The following ALK variants were observed in gnomAD, a reference collection of about 807,000 sequenced individuals.
The protein encoded by ALK is ALK receptor tyrosine kinase, also known as ALK tyrosine kinase receptor.
ALK carries 74 observed loss-of-function variants against 163.1 expected under a neutral mutation model. That is an observed-to-expected ratio of 0.45 (90% confidence interval 0.38 to 0.55). The LOEUF is 0.55. Among genes scored for constraint, ALK ranks in the 20% least tolerant of loss-of-function variants. The pLI, the probability that ALK is intolerant of heterozygous loss-of-function variation, is 0.00. For missense variants in ALK, 2,063 were observed against 2,105.3 expected (o/e 0.98, Z 0.39); for synonymous variants, 960 against 843.2 (o/e 1.14, Z -2.40).
intron 4 of ALK, among the ~76,000 whole-genome samples, chr2:29,506,450 G>T (rs1425083332): frequency 6.6e-6 from 1 of 152,152 alleles, no homozygotes; most frequent in African/African-American, 2.4e-5. Flanking sequence ...GAAAATATGA[G>T]ACTTAGCTTT....
At chr2:29,894,409 AG>A (rs1179636947) in intron 1 of ALK, among the ~76,000 whole-genome samples, 1 of 152,128 alleles carries the variant, frequency 6.6e-6, no homozygotes, top group East Asian at 1.9e-4. Flanking sequence ...AAATGGGAAA[AG>A]CAATACTATC....
intron 9 of ALK, among the ~76,000 whole-genome samples, chr2:29,284,981 A>C (rs943587032): frequency 6.6e-6 from 1 of 152,192 alleles, no homozygotes; most frequent in African/African-American, 2.4e-5. Flanking sequence ...CTACCCTGCC[A>C]ACCTTAGGGA....
chr2:29,514,910 T>G (rs1194322612), intron 4 of ALK, among the ~76,000 whole-genome samples: 2 of 152,220 alleles, frequency 1.3e-5, no homozygotes, highest in Non-Finnish European at 2.9e-5. Flanking sequence ...TACCTCCAAC[T>G]GACTTGCAGT....
intron 1 of ALK, among the ~76,000 whole-genome samples, chr2:29,795,924 A>G (rs1664297409): frequency 6.6e-6 from 1 of 152,160 alleles, no homozygotes; most frequent in South Asian, 2.1e-4. Context: ...ACTTTGCAAC[A>G]GGAGAAAGAT....
intron 1 of ALK, among the ~76,000 whole-genome samples, chr2:29,910,893 C>G (rs568065424): frequency 5.2e-4 from 79 of 152,178 alleles, no homozygotes; most frequent in Non-Finnish European, 8.8e-4. Flanking sequence ...ATGAGAAACT[C>G]CAAGTGCAGC....
In ALK at chr2:29,225,566, C is replaced by T. The variant is rs2148176607; in HGVS notation, c.3068-1G>A. The T allele has an allele frequency of 6.2e-7, 1 of 1,608,432 alleles. No individual in the cohort carries two copies. The highest frequency in any genetic ancestry group is 8.5e-7 in the Non-Finnish European group (1 of 1,178,472). ...AGGTGTGGCTCCGGGGTGGGTGACA[C>T]TGGAAGACAGGTCCCACTGGGGTAT... On this transcript the variant is annotated splice_acceptor_variant, in intron 18 of 28. Coordinates refer to ENST00000389048, the MANE Select transcript of ALK (RefSeq NM_004304.5). LOFTEE classifies it high-confidence loss of function.
At chr2:29,361,915 A>C (rs1001633827) in intron 5 of ALK, among the ~76,000 whole-genome samples, 1 of 152,188 alleles carries the variant, frequency 6.6e-6, no homozygotes. Context: ...AATAATCTTT[A>C]GCCCATCCTT....
chr2:29,721,126 T>C (rs1679409469), intron 1 of ALK, among the ~76,000 whole-genome samples: 1 of 152,154 alleles, frequency 6.6e-6, no homozygotes, highest in South Asian at 2.1e-4. Flanking sequence ...ATTGTTGCTG[T>C]TTTTCTGATG....
intron 23 of ALK, among the ~76,000 whole-genome samples, chr2:29,220,421 A>AAATT (rs1292888741): frequency 1.3e-5 from 2 of 152,174 alleles, no homozygotes; most frequent in Non-Finnish European, 2.9e-5. Flanking sequence ...TTTTCTTTGT[A>AAATT]AATTACTCAG....
At chr2:29,207,121 A>T (rs2148151782) in intron 26 of ALK, 50 bp downstream of exon 26, 1 of 1,470,146 alleles carries the variant, frequency 6.8e-7, no homozygotes, top group Non-Finnish European at 9.5e-7. Context: ...TTGGCCCAGG[A>T]GCACCACCTT....
rs140693395 is a variant in ALK, at chr2:29,502,628, A to T, written c.1154+29287T>A. ...AGACAGATTAACTTGGAGGAACAGCACCGGCCTGGGTATCTGCCCCATCCC... is the reference window on the plus strand; with the variant it reads ...AGACAGATTAACTTGGAGGAACAGCTCCGGCCTGGGTATCTGCCCCATCCC... On this transcript the variant is annotated intron_variant, in intron 4 of 28. Transcript: ENST00000389048. Among the ~76,000 whole-genome samples the T allele has an allele frequency of 2.5e-3, 379 of 152,240 alleles. 1 individual carries two copies. The highest frequency in any genetic ancestry group is 8.7e-3 in the African/African-American group (362 of 41,554).
chr2:29,402,671 T>C (rs1189498991), intron 4 of ALK, among the ~76,000 whole-genome samples: 2 of 152,204 alleles, frequency 1.3e-5, no homozygotes, highest in Non-Finnish European at 2.9e-5. Flanking sequence ...AAAATACAGC[T>C]AGATGACTCT....
At chr2:29,879,067 A>G (rs1337642276) in intron 1 of ALK, among the ~76,000 whole-genome samples, 2 of 152,268 alleles carry the variant, frequency 1.3e-5, no homozygotes, top group East Asian at 1.9e-4. Flanking sequence ...CTTTGACTCC[A>G]AAGACACAAG....
chr2:29,220,779 G>T lies in ALK; in HGVS notation c.3572C>A (p.Pro1191His), dbSNP rs1060500210. The change falls in exon 23 of 29, where the codon CCC (proline) becomes CAC (histidine). Residue 1191 changes from proline to histidine, a missense_variant. Physicochemically the swap from Pro to His is moderately conservative, Grantham distance 77. This residue lies in a region of ALK where 575 missense variants were observed against 626.6 expected (regional missense o/e 0.92). Transcript: ENST00000389048. ...CATGAGCTCCAGCAGGATGAACCGG[G>T]GCAGGGATTGCAGGCTCACCCCAAT... Reference protein sequence around the residue: ...RCIGVSLQSLPRFILLELMAG... With the variant: ...RCIGVSLQSLHRFILLELMAG... The T allele has an allele frequency of 4.3e-6, 7 of 1,613,974 alleles. No individual in the cohort carries two copies. The Admixed American group carries it at 8.3e-5, about 19-fold the overall frequency.
chr2:29,468,838 A>G (rs1233397827), intron 4 of ALK, among the ~76,000 whole-genome samples: 12 of 117,332 alleles, frequency 1.0e-4, no homozygotes, highest in African/African-American at 3.6e-4. Flanking sequence ...TGGGCAGTAG[A>G]GTGAGACCCT....
intron 4 of ALK, among the ~76,000 whole-genome samples, chr2:29,460,544 T>A (rs142332136): frequency 1.4e-3 from 220 of 152,302 alleles, no homozygotes; most frequent in African/African-American, 5.0e-3. Flanking sequence ...CTTACAATAT[T>A]TCAAATTTTT....
chr2:29,547,512 G>A (rs780823584), intron 3 of ALK, among the ~76,000 whole-genome samples: 7 of 152,176 alleles, frequency 4.6e-5, no homozygotes, highest in African/African-American at 9.7e-5. Flanking sequence ...CAGGAGAATC[G>A]CTTGAACCAG....
chr2:29,414,416 A>G (rs1669816053), intron 4 of ALK, among the ~76,000 whole-genome samples: 1 of 152,220 alleles, frequency 6.6e-6, no homozygotes, highest in Non-Finnish European at 1.5e-5. Context: ...AACTGGGATT[A>G]GGACTTTGGT....
intron 3 of ALK, among the ~76,000 whole-genome samples, chr2:29,553,625 A>G (rs1292277256): frequency 6.6e-6 from 1 of 152,208 alleles, no homozygotes; most frequent in Non-Finnish European, 1.5e-5. Flanking sequence ...TGCCTAGCGC[A>G]TAGAAAAAGC....
Sources: allele counts gnomAD v4.1 joint callset (sites outside exome capture counted in the v4.1 genomes callset), GRCh38; gene constraint gnomAD v4.1.1; regional missense constraint gnomAD v4.1.1; transcripts MANE v1.5; gene names NCBI Gene and HGNC (gene_info 2026-07-23, HGNC 2026-07-21).